EPM2A: variants seen among roughly 807,000 people sequenced by gnomAD.
The protein encoded by EPM2A is EPM2A glucan phosphatase, laforin, also known as laforin.
Under a neutral mutation model 26.5 loss-of-function variants are expected in EPM2A, and 21 were observed. The observed-to-expected ratio is 0.79, with a 90% CI of 0.56 to 1.14. The LOEUF (loss-of-function observed/expected upper bound fraction) is 1.14, where lower values mean the gene tolerates loss of function less well. Ranked by LOEUF, EPM2A falls within the 50% of genes most tolerant of loss-of-function variation. EPM2A has a pLI of 0.00. For missense variants in EPM2A, 458 were observed against 440.8 expected (o/e 1.04, Z -0.35); for synonymous variants, 217 against 177.6 (o/e 1.22, Z -1.76).
At position 145,627,269 on chromosome 6, in the gene EPM2A, GA is replaced by G; in HGVS notation, c.*146del. On this transcript the variant is annotated 3_prime_UTR_variant, in exon 4 of 4. Transcript: ENST00000367519. The stretch of plus-strand genomic sequence containing the variant: ...TACAGCCCCAAAACAAAGCATAATC[GA>G]AAGTCATCCCAGGTGAAAGTGGTTG... 1 of 1,550,082 alleles carries G rather than the reference GA, an allele frequency of 6.5e-7. No individual in the cohort carries two copies. The highest frequency in any genetic ancestry group is 8.6e-7 in the Non-Finnish European group (1 of 1,159,586).
intron 2 of EPM2A, among the ~76,000 whole-genome samples, chr6:145,544,094 G>C (rs1422447781): frequency 6.6e-6 from 1 of 152,180 alleles, no homozygotes; most frequent in Non-Finnish European, 1.5e-5. Flanking sequence ...TATTAAGCTA[G>C]AGTTAAGTCT....
chr6:145,478,791 G>C (rs1377140221), intron 4 of EPM2A, among the ~76,000 whole-genome samples: 4 of 151,698 alleles, frequency 2.6e-5, no homozygotes, highest in African/African-American at 9.7e-5. Flanking sequence ...TTGAAACCGT[G>C]TATGTTTTCT....
intron 2 of EPM2A, among the ~76,000 whole-genome samples, chr6:145,654,161 G>A (rs1437879090): frequency 6.6e-6 from 1 of 151,008 alleles, no homozygotes; most frequent in Non-Finnish European, 1.5e-5. Context: ...ATTATTAAGT[G>A]TAAATTTTAA....
intron 1 of EPM2A, among the ~76,000 whole-genome samples, chr6:145,713,760 C>T (rs941863719): frequency 6.6e-6 from 1 of 152,120 alleles, no homozygotes; most frequent in African/African-American, 2.4e-5. Flanking sequence ...CAAGTAAAAA[C>T]ATATGTTCAC....
chr6:145,720,147 T>C (rs577921434), intron 1 of EPM2A, among the ~76,000 whole-genome samples: 1 of 152,132 alleles, frequency 6.6e-6, no homozygotes, highest in Non-Finnish European at 1.5e-5. Context: ...ATTATCAAGC[T>C]AAAATTTCAG....
intron 4 of EPM2A, among the ~76,000 whole-genome samples, chr6:145,478,932 C>G (rs192687450): frequency 1.5e-3 from 221 of 151,712 alleles, no homozygotes; most frequent in African/African-American, 4.8e-3. Context: ...GTATGTTATA[C>G]TATGTGCTTG....
chr6:145,573,210 ACT>A (rs1327617669), intron 2 of EPM2A, among the ~76,000 whole-genome samples: 1 of 152,196 alleles, frequency 6.6e-6, no homozygotes, highest in Non-Finnish European at 1.5e-5. Flanking sequence ...AAGCAATCAA[ACT>A]CTCTCTGAAT....
intron 2 of EPM2A, chr6:145,640,065 C>CTGGAAT (rs1562430869): frequency 6.6e-6 from 1 of 151,964 alleles, no homozygotes; most frequent in Non-Finnish European, 1.5e-5. Context: ...TTCCAGGTAA[C>CTGGAAT]CATATCATAA....
chr6:145,731,075 TA>T (rs200330035), intron 1 of EPM2A, among the ~76,000 whole-genome samples: 95 of 143,692 alleles, frequency 6.6e-4, no homozygotes, highest in South Asian at 6.7e-4. Context: ...GACCTAGAGG[TA>T]AAAAAAAAAA....
At chr6:145,445,821 T>A (rs1161938308) in intron 4 of EPM2A, among the ~76,000 whole-genome samples, 4 of 152,262 alleles carry the variant, frequency 2.6e-5, no homozygotes, top group African/African-American at 9.6e-5. Flanking sequence ...GGTGCTCCTC[T>A]CATTGAGAGG....
chr6:145,714,100 G>T (rs1158879358), intron 1 of EPM2A, among the ~76,000 whole-genome samples: 1 of 152,172 alleles, frequency 6.6e-6, no homozygotes, highest in East Asian at 1.9e-4. Flanking sequence ...AGATTGACTG[G>T]TAATGAGCAC....
At chr6:145,718,893 C>T (rs1209209147) in intron 1 of EPM2A, among the ~76,000 whole-genome samples, 1 of 152,136 alleles carries the variant, frequency 6.6e-6, no homozygotes, top group Non-Finnish European at 1.5e-5. Context: ...CACTGGCCAT[C>T]AGAGAAATGC....
chr6:145,599,527 GAT>G (rs1312296789), intron 2 of EPM2A, among the ~76,000 whole-genome samples: 1 of 151,300 alleles, frequency 6.6e-6, no homozygotes, highest in African/African-American at 2.4e-5. Context: ...TATTTTTTCT[GAT>G]TAATTCTTCT....
intron 2 of EPM2A, among the ~76,000 whole-genome samples, chr6:145,619,558 T>C (rs1775586793): frequency 6.6e-6 from 1 of 152,214 alleles, no homozygotes; most frequent in African/African-American, 2.4e-5. Context: ...ATAAGCTCAC[T>C]GGAACCTTGA....
Position 145,484,239 on chromosome 6 carries a change from T to G in EPM2A, c.555+18283A>C, listed in dbSNP as rs147074893. On this transcript the variant is annotated intron_variant, in intron 4 of 4. Coordinates refer to the EPM2A transcript ENST00000638717. ...CAAGTTTTCAGTCCTGTAATACATTTAGTTATGCTTTGGTTTCAGGCCCCC... is the reference window on the plus strand; with the variant it reads ...CAAGTTTTCAGTCCTGTAATACATTGAGTTATGCTTTGGTTTCAGGCCCCC... 3.2e-4 allele frequency among the ~76,000 whole-genome samples: 48 copies of G among 152,254 alleles called. No homozygotes were observed. The East Asian group carries it at 9.1e-3, about 29-fold the overall frequency.
chr6:145,679,175 T>A (rs1465656920), intron 2 of EPM2A, among the ~76,000 whole-genome samples: 69 of 146,714 alleles, frequency 4.7e-4, no homozygotes, highest in Admixed American at 1.0e-3. Context: ...TTCTGTGAAC[T>A]GCACGTTCAC....
At position 145,627,185 on chromosome 6, in the gene EPM2A, CTGCTTCG is replaced by C. The variant is rs1160776817; in HGVS notation, c.*224_*230del. ...CCCTTCTGTCTGATGTACAGCCTAA[CTGCTTCG>C]TGCTTCTTCTCATGTGTTGAGCCAC... On this transcript the variant is annotated 3_prime_UTR_variant, in exon 4 of 4. Transcript: ENST00000367519. 7.0e-7 allele frequency: 1 copy of C among 1,420,518 alleles called. No homozygotes were observed. Among genetic ancestry groups the C allele is most frequent in the South Asian group, 1.5e-5 (1 of 67,154 alleles). 88.0% of individuals were successfully genotyped at this position (1,420,518 alleles called of 1,614,324 possible). A position where few individuals can be genotyped will look rare whatever the true frequency, so the allele number is the denominator to read the frequency against.
In EPM2A at chr6:145,633,851, T is replaced by C. The variant is rs1205815473; in HGVS notation, c.718+1394A>G. 9 of 152,342 alleles carry C rather than the reference T, an allele frequency of 5.9e-5. No individual in the cohort carries two copies. In the East Asian group the frequency reaches 1.7e-3, roughly 29 times the overall value. The allele number at this position is 152,342 out of a possible 1,614,324, so 9.4% of individuals were successfully genotyped here. On this transcript the variant is annotated intron_variant, in intron 3 of 3. Coordinates refer to ENST00000367519, the MANE Select transcript of EPM2A (RefSeq NM_005670.4). ...GGAGAAGCTTCATAGCTGGTAAAGTTGCTGTCTGGAGCAATGTTCTGGGTC... is the reference window on the plus strand; with the variant it reads ...GGAGAAGCTTCATAGCTGGTAAAGTCGCTGTCTGGAGCAATGTTCTGGGTC...
chr6:145,717,006 C>T (rs990401060), intron 1 of EPM2A, among the ~76,000 whole-genome samples: 2 of 152,120 alleles, frequency 1.3e-5, no homozygotes, highest in Non-Finnish European at 2.9e-5. Context: ...CTTTCTTCCT[C>T]CTGAATTCCC....
Sources: allele counts gnomAD v4.1 joint callset (sites outside exome capture counted in the v4.1 genomes callset), GRCh38; gene constraint gnomAD v4.1.1; transcripts MANE v1.5; gene names NCBI Gene and HGNC (gene_info 2026-07-23, HGNC 2026-07-21).